AGGF1: variants seen among roughly 807,000 people sequenced by gnomAD.
The protein encoded by AGGF1 is angiogenic factor with G patch and FHA domains 1.
AGGF1 carries 56 observed loss-of-function variants against 86.5 expected under a neutral mutation model. The observed-to-expected ratio is 0.65, with a 90% CI of 0.52 to 0.81. The LOEUF (loss-of-function observed/expected upper bound fraction) is 0.81, where lower values mean the gene tolerates loss of function less well. AGGF1 is among the 30% of genes least tolerant of loss of function. The pLI is 0.00. For missense variants in AGGF1, 816 were observed against 850.9 expected (o/e 0.96, Z 0.51); for synonymous variants, 313 against 297.1 (o/e 1.05, Z -0.55).
In AGGF1 at chr5:77,048,283, T is replaced by G. The variant is rs752188683; in HGVS notation, c.1313+11T>G. ...TGCTACAATTGGAAGGTAAAATGGT[T>G]AATATTATTATATCATTCTTTCAGT... On this transcript the variant is annotated intron_variant, in intron 7 of 13. Coordinates refer to ENST00000312916, the MANE Select transcript of AGGF1 (RefSeq NM_018046.5). 2.0e-6 allele frequency: 3 copies of G among 1,515,594 alleles called. No homozygotes were observed. In the East Asian group the frequency reaches 6.8e-5, roughly 34 times the overall value. The allele number at this position is 1,515,594 out of a possible 1,614,324, so 93.9% of individuals were successfully genotyped here. A position where few individuals can be genotyped will look rare whatever the true frequency, so the allele number is the denominator to read the frequency against.
Position 77,046,626 on chromosome 5 carries a change from G to A in AGGF1, c.1150G>A (p.Glu384Lys), listed in dbSNP as rs200700568. Residue 384 changes from glutamate to lysine, a missense_variant, in exon 6 of 14, where the codon GAA becomes AAA. Coordinates refer to ENST00000312916, the MANE Select transcript of AGGF1 (RefSeq NM_018046.5). ...TDSQTEDSYD[E>K]AITSEGNVTA... ...CTCTCAGACTGAGGATAGTTATGAC[G>A]AAGCCATTACCAGTGAAGGCAATGT... 9 of 1,614,032 alleles carry A rather than the reference G, an allele frequency of 5.6e-6. No homozygotes were observed. Among genetic ancestry groups the A allele is most frequent in the African/African-American group, 2.7e-5 (2 of 75,054 alleles).
At chr5:77,052,418 T>TA (rs1747385965) in intron 8 of AGGF1, among the ~76,000 whole-genome samples, 1 of 152,142 alleles carries the variant, frequency 6.6e-6, no homozygotes, top group Admixed American at 6.5e-5. Context: ...TACAAATACT[T>TA]ACATTAGGTC....
chr5:77,047,529 T>C (rs1471866600), intron 6 of AGGF1, among the ~76,000 whole-genome samples: 2 of 152,196 alleles, frequency 1.3e-5, no homozygotes, highest in African/African-American at 2.4e-5. Context: ...TTGCATTTTT[T>C]TTGAGACAGA....
chr5:77,048,113 T>G, intron 6 of AGGF1, 48 bp from the exon 7 acceptor site: 1 of 1,238,612 alleles, frequency 8.1e-7, no homozygotes, highest in African/African-American at 1.5e-5. Flanking sequence ...TATGAAGTTC[T>G]TTTTCATAGT....
rs1747125920 is a variant in AGGF1 at position 77,042,598 on chromosome 5, C to G, written c.870+2879C>G. On this transcript the variant is annotated intron_variant, in intron 5 of 13. Transcript: ENST00000312916. ...GGCGGGGGGGCTGACCCCCCCCCAC[C>G]TCCCTCCCGGACGTGGCGGCTGGCC... Among the ~76,000 whole-genome samples, 2 of 63,742 alleles carry G rather than the reference C, an allele frequency of 3.1e-5. 1 individual carries two copies. Among genetic ancestry groups the G allele is most frequent in the Admixed American group, 3.1e-4 (2 of 6,506 alleles). 41.8% of individuals were successfully genotyped at this position (63,742 alleles called of 152,430 possible). A position where few individuals can be genotyped will look rare whatever the true frequency, so the allele number is the denominator to read the frequency against.
intron 5 of AGGF1, among the ~76,000 whole-genome samples, chr5:77,045,403 G>A (rs7737897): frequency 0.83 from 125,719 of 152,176 alleles, 52,020 homozygotes; most frequent in African/African-American, 0.84. Context: ...CATTGTGTAC[G>A]TATTTCAAAA....
At position 77,057,289 on chromosome 5, in the gene AGGF1, C is replaced by G. The variant is rs182069507; in HGVS notation, c.1716+1693C>G. The stretch of plus-strand genomic sequence containing the variant: ...TGCAACCATATGTGCATAAAAAGAC[C>G]AGTAAACAAATGTTCATTGCATTTT... On this transcript the variant is annotated intron_variant, in intron 11 of 13. Transcript: ENST00000312916. Among the ~76,000 whole-genome samples, 9 of 152,188 alleles carry G rather than the reference C, an allele frequency of 5.9e-5. No individual in the cohort carries two copies. The East Asian group carries it at 1.7e-3, about 29-fold the overall frequency.
chr5:77,051,060 C>T (rs369647208), intron 8 of AGGF1, among the ~76,000 whole-genome samples: 1 of 152,054 alleles, frequency 6.6e-6, no homozygotes, highest in South Asian at 2.1e-4. Context: ...TTATTCTAAA[C>T]AATCCAGTTG....
intron 5 of AGGF1, among the ~76,000 whole-genome samples, chr5:77,043,681 TC>T (rs1249305434): frequency 4.4e-5 from 3 of 67,560 alleles, no homozygotes; most frequent in South Asian, 5.3e-4. Flanking sequence ...GGGGGGCTGA[TC>T]CCCCCCACCT....
rs146897885 is a variant in AGGF1, at chr5:77,035,557, G to A, written c.330G>A (p.Thr110=). 43 of 1,611,866 alleles carry A rather than the reference G, an allele frequency of 2.7e-5. No homozygotes were observed. In the East Asian group the frequency reaches 7.2e-4, roughly 27 times the overall value. Residue 110 remains threonine, a synonymous_variant, in exon 3 of 14, where the codon ACG becomes ACA. Transcript: ENST00000312916. Reference sequence around the variant, plus strand: ...TTGCTACAGATTATTTTTATCAGACGTACTACAATGACGTTAGTCTTCCAA... The same window carrying A: ...TTGCTACAGATTATTTTTATCAGACATACTACAATGACGTTAGTCTTCCAA... The part of the protein sequence containing the change: ...PWSISDYFYQ[T]YYNDVSLPNK...
intron 11 of AGGF1, among the ~76,000 whole-genome samples, chr5:77,058,483 AATC>A (rs1747495720): frequency 6.6e-6 from 1 of 152,188 alleles, no homozygotes; most frequent in Non-Finnish European, 1.5e-5. Context: ...TAGGTAGAGA[AATC>A]ATAGAAAAAA....
intron 2 of AGGF1, 42 bp downstream of exon 2, chr5:77,034,562 C>T (rs1213073423): frequency 1.6e-6 from 2 of 1,287,344 alleles, no homozygotes; most frequent in East Asian, 2.3e-5. Flanking sequence ...CTGTTACATT[C>T]AAATCATGCT....
chr5:77,041,778 G>T (rs1174833317), intron 5 of AGGF1, among the ~76,000 whole-genome samples: 5 of 125,116 alleles, frequency 4.0e-5, no homozygotes, highest in Non-Finnish European at 6.8e-5. Flanking sequence ...TCCAAGACAA[G>T]AACTTTTTTT....
chr5:77,055,861 TGTCTG>T (rs1314144086), intron 11 of AGGF1, among the ~76,000 whole-genome samples: 3 of 152,174 alleles, frequency 2.0e-5, no homozygotes, highest in African/African-American at 4.8e-5. Context: ...GACATGATAG[TGTCTG>T]TAGTTTGTAG....
At chr5:77,034,543 A>G (rs1746928829) in intron 2 of AGGF1, 23 bp downstream of exon 2, 1 of 1,412,402 alleles carries the variant, frequency 7.1e-7, no homozygotes, top group African/African-American at 1.4e-5. Context: ...TAGTGAGGAT[A>G]TGCTAACACT....
At chr5:77,047,649 G>T (rs1747293085) in intron 6 of AGGF1, among the ~76,000 whole-genome samples, 1 of 152,034 alleles carries the variant, frequency 6.6e-6, no homozygotes, top group South Asian at 2.1e-4. Flanking sequence ...AAGTTGCTGG[G>T]ACTACAGGCG....
In AGGF1 at chr5:77,041,785, T is replaced by TATTTA. The variant is rs1436551340; in HGVS notation, c.870+2066_870+2067insATTTA. 3.8e-3 allele frequency among the ~76,000 whole-genome samples: 433 copies of TATTTA among 113,030 alleles called. 10 individuals are homozygous for TATTTA. Among genetic ancestry groups the TATTTA allele is most frequent in the African/African-American group, 0.014 (409 of 28,364 alleles). 74.2% of individuals were successfully genotyped at this position (113,030 alleles called of 152,430 possible). ...GTGCGAATTCCAAGACAAGAACTTT[T>TATTTA]TTTATTTATTTATTTATTTATTTAT... On this transcript the variant is annotated intron_variant, in intron 5 of 13. Transcript: ENST00000312916.
intron 5 of AGGF1, among the ~76,000 whole-genome samples, chr5:77,043,592 C>CCT (rs1408150759): frequency 1.6e-5 from 2 of 127,194 alleles, no homozygotes; most frequent in African/African-American, 5.4e-5. Flanking sequence ...GGCTGACCCC[C>CCT]CCCCCCCCGG....
rs749585357 is a variant in AGGF1 at position 77,030,657 on chromosome 5, G to A, written c.-110G>A. The A allele has an allele frequency of 3.8e-5, 48 of 1,276,654 alleles. No homozygotes were observed. Among genetic ancestry groups the A allele is most frequent in the Non-Finnish European group, 3.6e-5 (33 of 914,492 alleles). 79.1% of individuals were successfully genotyped at this position (1,276,654 alleles called of 1,614,324 possible). A position where few individuals can be genotyped will look rare whatever the true frequency, so the allele number is the denominator to read the frequency against. The stretch of plus-strand genomic sequence containing the variant: ...GGGGCCACCGCGGCCAGCCGGGTGT[G>A]AGGCTGCCTTTCGCTGCCCGCGCGC... On this transcript the variant is annotated 5_prime_UTR_variant, in exon 1 of 14. Transcript: ENST00000312916.
Sources: gnomAD v4.1 joint callset for allele counts (sites outside exome capture counted in the v4.1 genomes callset) on GRCh38, gnomAD v4.1.1 for gene constraint, MANE v1.5 for transcripts, NCBI Gene and HGNC (gene_info 2026-07-23, HGNC 2026-07-21) for gene names.